The following NOS1 variants were observed in gnomAD, a reference collection of about 807,000 sequenced individuals.
The protein encoded by NOS1 is NOS type I.
Under a neutral mutation model 164.5 loss-of-function variants are expected in NOS1, and 51 were observed. The ratio of observed to expected loss-of-function variants is 0.31; its 90% CI spans 0.25 to 0.39. The LOEUF (loss-of-function observed/expected upper bound fraction) is 0.39. NOS1 is among the 10% of genes least tolerant of loss of function. The pLI is 1.00. For synonymous variants in NOS1, 719 were observed against 745.8 expected (o/e 0.96, Z 0.59); for missense variants, 1,362 against 1,885.6 (o/e 0.72, Z 5.14).
chr12:117,260,130 A>C (rs1034482234), intron 14 of NOS1, among the ~76,000 whole-genome samples: 3 of 142,238 alleles, frequency 2.1e-5, no homozygotes, highest in Non-Finnish European at 4.4e-5. Flanking sequence ...AAAAAAAAAA[A>C]AAACAAAAAA....
chr12:117,288,139 G>A lies in NOS1; in HGVS notation c.1062C>T (p.Arg354=). Residue 354 remains arginine, a synonymous_variant, in exon 5 of 29, where the codon CGC becomes CGT. Transcript: ENST00000317775. ...CGAGAGGGAAGAGCTGTCCTTTTGT[G>A]CGGACGTCTTCAGGCCTCCTTGCAT... The part of the protein sequence containing the change: ...SQHARRPEDV[R]TKGQLFPLAK... 1 of 1,614,166 alleles carries A rather than the reference G, an allele frequency of 6.2e-7. No homozygotes were observed. Among genetic ancestry groups the A allele is most frequent in the Non-Finnish European group, 8.5e-7 (1 of 1,180,024 alleles).
intron 28 of NOS1, 24 bp downstream of exon 28, chr12:117,218,022 C>T: frequency 1.3e-6 from 2 of 1,536,654 alleles, no homozygotes; most frequent in East Asian, 4.5e-5. Context: ...TCCTGCCCCT[C>T]ACCCAGGGAT....
intron 25 of NOS1, among the ~76,000 whole-genome samples, chr12:117,223,933 C>T (rs1052305684): frequency 2.6e-5 from 4 of 152,214 alleles, no homozygotes; most frequent in African/African-American, 4.8e-5. Context: ...GGATTACAGG[C>T]GTGAGCCACC....
At chr12:117,339,303 C>T (rs779407745) in intron 1 of NOS1, among the ~76,000 whole-genome samples, 22 of 152,178 alleles carry the variant, frequency 1.4e-4, no homozygotes, top group Non-Finnish European at 3.1e-4. Flanking sequence ...CTTCCCACCT[C>T]TGATGCCCAT....
chr12:117,355,260 A>C (rs1226782420), intron 1 of NOS1, among the ~76,000 whole-genome samples: 2 of 152,214 alleles, frequency 1.3e-5, no homozygotes, highest in Admixed American at 6.5e-5. Context: ...CCCAGGCTGG[A>C]AATGGGAACT....
intron 2 of NOS1, among the ~76,000 whole-genome samples, chr12:117,317,745 T>TCC (rs1354788778): frequency 6.6e-6 from 1 of 152,042 alleles, no homozygotes; most frequent in Non-Finnish European, 1.5e-5. Context: ...CAGGTGTCCT[T>TCC]CTCTCTCTGG....
At chr12:117,256,962 C>T (rs577772247) in intron 16 of NOS1, among the ~76,000 whole-genome samples, 46 of 152,206 alleles carry the variant, frequency 3.0e-4, no homozygotes, top group African/African-American at 1.1e-3. Flanking sequence ...ATCCCACCTA[C>T]TCGGGAGGCT....
At chr12:117,291,529 CTTTTT>C (rs565345654) in intron 3 of NOS1, among the ~76,000 whole-genome samples, 8 of 97,384 alleles carry the variant, frequency 8.2e-5, no homozygotes, top group African/African-American at 3.2e-4. Context: ...TTACATCTGT[CTTTTT>C]TTTTTTTTTT....
At chr12:117,215,869 C>CTTTTTTTTTTTTTTTTTTTTTT in intron 28 of NOS1, among the ~76,000 whole-genome samples, 1 of 85,428 alleles carries the variant, frequency 1.2e-5, no homozygotes, top group Non-Finnish European at 2.1e-5. Flanking sequence ...TTTAAAAGGA[C>CTTTTTTTTTTTTTTTTTTTTTT]TTTTTTTTTT....
chr12:117,229,620 GCT>G (rs1869030616), intron 22 of NOS1, among the ~76,000 whole-genome samples: 1 of 145,480 alleles, frequency 6.9e-6, no homozygotes, highest in Non-Finnish European at 1.5e-5. Flanking sequence ...ACAGATTCTC[GCT>G]CTGTCACCCA....
intron 7 of NOS1, among the ~76,000 whole-genome samples, chr12:117,282,410 A>G (rs368370059): frequency 5.3e-5 from 8 of 152,130 alleles, no homozygotes; most frequent in African/African-American, 1.9e-4. Context: ...TCACATATAC[A>G]TTTCTGTCCA....
At chr12:117,269,946 T>C (rs935176610) in intron 10 of NOS1, among the ~76,000 whole-genome samples, 2 of 152,162 alleles carry the variant, frequency 1.3e-5, no homozygotes, top group East Asian at 3.9e-4. Flanking sequence ...AAACTGAGGC[T>C]CAGAGAGGTG....
intron 25 of NOS1, among the ~76,000 whole-genome samples, 186 bp downstream of exon 25, chr12:117,224,830 G>A (rs958691650): frequency 3.9e-5 from 6 of 152,198 alleles, no homozygotes; most frequent in African/African-American, 1.4e-4. Context: ...CAGGCCCCTG[G>A]GACAGGCTGT....
chr12:117,300,179 T>G (rs1873723223), intron 3 of NOS1, among the ~76,000 whole-genome samples: 1 of 152,170 alleles, frequency 6.6e-6, no homozygotes, highest in Non-Finnish European at 1.5e-5. Context: ...TTTTGGCAAC[T>G]GATACCAATT....
At chr12:117,271,780 T>G (rs377272244) in intron 10 of NOS1, among the ~76,000 whole-genome samples, 1 of 152,196 alleles carries the variant, frequency 6.6e-6, no homozygotes, top group Non-Finnish European at 1.5e-5. Context: ...TTCACCAAAG[T>G]TGGGCTTCAG....
In NOS1 at chr12:117,214,423, AG is replaced by A. The variant is rs1276234354; in HGVS notation, c.*885del. ...GCCCCTTGGATGCTATTGCTGGAGG[AG>A]GGGGTCAGTCAATGGATGTGGCAAA... On this transcript the variant is annotated 3_prime_UTR_variant, in exon 29 of 29. Coordinates refer to ENST00000317775, the MANE Select transcript of NOS1 (RefSeq NM_000620.5). 5.1e-6 allele frequency: 5 copies of A among 981,292 alleles called. No homozygotes were observed. The African/African-American group carries it at 8.8e-5, about 17-fold the overall frequency. 60.8% of individuals were successfully genotyped at this position (981,292 alleles called of 1,614,324 possible).
intron 3 of NOS1, among the ~76,000 whole-genome samples, chr12:117,296,240 T>C (rs2136034782): frequency 6.6e-6 from 1 of 152,330 alleles, no homozygotes; most frequent in South Asian, 2.1e-4. Context: ...CATTCTGTCC[T>C]TCCTCCAAAT....
Position 117,271,113 on chromosome 12 carries a change from C to G in NOS1, c.1839+1272G>C, listed in dbSNP as rs545655151. The stretch of plus-strand genomic sequence containing the variant: ...CATCAGTGGTTGTCCAGAAGAATCT[C>G]CTGGGGAACTTTGCAAAATGCAGAT... On this transcript the variant is annotated intron_variant, in intron 10 of 28. Coordinates refer to ENST00000317775, the MANE Select transcript of NOS1 (RefSeq NM_000620.5). Among the ~76,000 whole-genome samples the G allele has an allele frequency of 1.1e-3, 165 of 152,210 alleles. 1 individual carries two copies. Among genetic ancestry groups the G allele is most frequent in the African/African-American group, 3.8e-3 (156 of 41,552 alleles).
At chr12:117,323,176 A>G (rs1165962571) in intron 2 of NOS1, among the ~76,000 whole-genome samples, 1 of 152,232 alleles carries the variant, frequency 6.6e-6, no homozygotes, top group African/African-American at 2.4e-5. Context: ...TGAGGACCAC[A>G]GAGCAAATGA....
Sources: allele counts gnomAD v4.1 joint callset (sites outside exome capture counted in the v4.1 genomes callset), GRCh38; gene constraint gnomAD v4.1.1; transcripts MANE v1.5; gene names NCBI Gene and HGNC (gene_info 2026-07-23, HGNC 2026-07-21).